PALD1: variants seen among roughly 807,000 people sequenced by gnomAD.
PALD1 encodes paladin.
PALD1 carries 57 observed loss-of-function variants against 96.0 expected under a neutral mutation model. That is an observed-to-expected ratio of 0.59 (90% CI 0.48 to 0.74). The LOEUF (loss-of-function observed/expected upper bound fraction) is 0.74, where lower values mean the gene tolerates loss of function less well. Ranked by LOEUF, PALD1 falls within the 30% of genes least tolerant of loss-of-function variation. The probability of loss-of-function intolerance (pLI) is 0.00; values close to 1 mark genes in which losing one functional copy is unlikely to be tolerated. For missense variants in PALD1, 1,063 were observed against 1,143.7 expected (o/e 0.93, Z 1.02); for synonymous variants, 464 against 473.6 (o/e 0.98, Z 0.26).
the PALD1 span, among the ~76,000 whole-genome samples, chr10:70,468,726 G>A: frequency 6.6e-5 from 10 of 151,210 alleles, no homozygotes; most frequent in South Asian, 1.0e-3. Context: ...GTGTGTGTGT[G>A]TGTGTGTGTG....
intron 18 of PALD1, among the ~76,000 whole-genome samples, chr10:70,558,611 C>T (rs909993463): frequency 6.6e-6 from 1 of 151,926 alleles, no homozygotes; most frequent in African/African-American, 2.4e-5. Flanking sequence ...TTGGGAGAAG[C>T]GGAGCCTCTA....
chr10:70,469,472 C>T, the PALD1 span, among the ~76,000 whole-genome samples: 6 of 152,270 alleles, frequency 3.9e-5, no homozygotes, highest in African/African-American at 7.2e-5. Context: ...GGAGCTCCGG[C>T]GGCTGCTAGT....
Position 70,526,163 on chromosome 10 carries a change from G to A in PALD1, c.185+27G>A, listed in dbSNP as rs200342368. 11 of 1,596,940 alleles carry A rather than the reference G, an allele frequency of 6.9e-6. No individual in the cohort carries two copies. The South Asian group carries it at 1.1e-4, about 16-fold the overall frequency. ...TGAGTGGCAGGGGGAGTGTGCCCAT[G>A]TCCCTGGGAGACATGATGGGCGGGG... On this transcript the variant is annotated intron_variant, in intron 2 of 19. Coordinates refer to ENST00000263563, the MANE Select transcript of PALD1 (RefSeq NM_014431.3).
the PALD1 span, among the ~76,000 whole-genome samples, chr10:70,472,077 C>T: frequency 2.0e-5 from 3 of 152,184 alleles, no homozygotes; most frequent in Admixed American, 6.5e-5. Flanking sequence ...CAGTGTCAGC[C>T]TTGGAGCTCG....
chr10:70,504,543 C>T (rs1440690820), intron 1 of PALD1, among the ~76,000 whole-genome samples: 1 of 152,148 alleles, frequency 6.6e-6, no homozygotes, highest in African/African-American at 2.4e-5. Context: ...CAAACAAAAA[C>T]ACGTATTTAT....
At chr10:70,526,933 C>G (rs1846881378) in intron 2 of PALD1, among the ~76,000 whole-genome samples, 1 of 152,146 alleles carries the variant, frequency 6.6e-6, no homozygotes, top group African/African-American at 2.4e-5. Context: ...GCAGATGGGT[C>G]CTTCTGTATA....
chr10:70,487,282 C>T (rs1032100523), intron 1 of PALD1, among the ~76,000 whole-genome samples: 31 of 140,366 alleles, frequency 2.2e-4, no homozygotes, highest in African/African-American at 7.4e-4. Flanking sequence ...TACAGGCGCC[C>T]GCCACCATGC....
chr10:70,567,058 T>G lies in PALD1; in HGVS notation c.*325T>G, dbSNP rs756239437. 1 of 276,212 alleles carries G rather than the reference T, an allele frequency of 3.6e-6. No homozygotes were observed. The highest frequency in any genetic ancestry group is 7.8e-5 in the East Asian group (1 of 12,752). 17.1% of individuals were successfully genotyped at this position (276,212 alleles called of 1,614,324 possible). On this transcript the variant is annotated 3_prime_UTR_variant, in exon 20 of 20. Coordinates refer to ENST00000263563, the MANE Select transcript of PALD1 (RefSeq NM_014431.3). Reference sequence around the variant, plus strand: ...GCCTCCAAGGGGCTCACTCCCCCAGTTGCCAAACACTGTGGATCTCTCTGT... The same window carrying G: ...GCCTCCAAGGGGCTCACTCCCCCAGGTGCCAAACACTGTGGATCTCTCTGT...
At chr10:70,512,526 G>T (rs956688926) in intron 1 of PALD1, among the ~76,000 whole-genome samples, 2 of 152,332 alleles carry the variant, frequency 1.3e-5, no homozygotes, top group Middle Eastern at 6.8e-3. Flanking sequence ...GGGAGGCAGC[G>T]ACCTCTTCTT....
chr10:70,547,457 AC>A lies in PALD1; in HGVS notation c.2262+15del. On this transcript the variant is annotated intron_variant, in intron 18 of 19. Coordinates refer to ENST00000263563, the MANE Select transcript of PALD1 (RefSeq NM_014431.3). ...TGCACCTACCGCCAGGTGAGCCCCC[AC>A]CCCACCCCACCCCACCCTGCCCCAG... The A allele has an allele frequency of 2.0e-6, 2 of 1,016,498 alleles. No individual in the cohort carries two copies. The highest frequency in any genetic ancestry group is 2.7e-6 in the Non-Finnish European group (2 of 730,206). 63.0% of individuals were successfully genotyped at this position (1,016,498 alleles called of 1,614,324 possible). A position where few individuals can be genotyped will look rare whatever the true frequency, so the allele number is the denominator to read the frequency against.
chr10:70,558,011 G>A (rs755967457), intron 18 of PALD1, among the ~76,000 whole-genome samples: 7 of 144,612 alleles, frequency 4.8e-5, no homozygotes, highest in Non-Finnish European at 7.5e-5. Context: ...ATGGTTCACT[G>A]ACTGTAACCT....
chr10:70,550,811 A>G (rs957272115), intron 18 of PALD1, among the ~76,000 whole-genome samples: 1 of 152,148 alleles, frequency 6.6e-6, no homozygotes, highest in African/African-American at 2.4e-5. Flanking sequence ...CTGCATTTGT[A>G]TGGCTGAATA....
intron 19 of PALD1, among the ~76,000 whole-genome samples, chr10:70,565,106 G>A (rs879266791): frequency 1.1e-4 from 17 of 152,228 alleles, no homozygotes; most frequent in African/African-American, 4.1e-4. Context: ...ATCTGCTGGA[G>A]CCTGTACTAG....
At position 70,553,359 on chromosome 10, in the gene PALD1, T is replaced by TTTA. The variant is rs1222022030; in HGVS notation, c.2262+5913_2262+5914insTTA. 3.3e-5 allele frequency among the ~76,000 whole-genome samples: 5 copies of TTTA among 152,162 alleles called. No individual in the cohort carries two copies. The East Asian group carries it at 9.6e-4, about 29-fold the overall frequency. On this transcript the variant is annotated intron_variant, in intron 18 of 19. Coordinates refer to ENST00000263563, the MANE Select transcript of PALD1 (RefSeq NM_014431.3). Reference sequence around the variant, plus strand: ...AGATGTTGGCTTCAGCAAGGCCTAATGTTCCTCCAGATTTGGATGTGGCTG... The same window carrying TTTA: ...AGATGTTGGCTTCAGCAAGGCCTAATTTAGTTCCTCCAGATTTGGATGTGGCTG...
intron 1 of PALD1, among the ~76,000 whole-genome samples, chr10:70,484,367 A>G (rs374385954): frequency 2.1e-4 from 32 of 152,346 alleles, no homozygotes; most frequent in African/African-American, 7.2e-4. Context: ...AATCACGTCT[A>G]ATATTTGATA....
rs376346914 is a variant in PALD1 at position 70,532,674 on chromosome 10, C to T, written c.687C>T (p.Thr229=). ...ACACATACCATGTGTACCATAACACCGAGGACCTGTGGGGGGAGCCCCATG... is the reference window on the plus strand; with the variant it reads ...ACACATACCATGTGTACCATAACACTGAGGACCTGTGGGGGGAGCCCCATG... ...SENTYHVYHN[T]EDLWGEPHAV... is the part of the protein sequence containing the mutation. Residue 229 remains threonine, a synonymous_variant, in exon 6 of 20, where the codon ACC becomes ACT. Coordinates refer to ENST00000263563, the MANE Select transcript of PALD1 (RefSeq NM_014431.3). The T allele has an allele frequency of 2.0e-5, 32 of 1,614,180 alleles. No individual in the cohort carries two copies. The African/African-American group carries it at 2.0e-4, about 10-fold the overall frequency.
chr10:70,525,293 T>C (rs1846833116), intron 1 of PALD1, among the ~76,000 whole-genome samples: 1 of 152,138 alleles, frequency 6.6e-6, no homozygotes, highest in Non-Finnish European at 1.5e-5. Flanking sequence ...ATTATAGGCA[T>C]GAGCCACTGC....
chr10:70,464,941 G>GTATA, the PALD1 span, among the ~76,000 whole-genome samples: 4 of 104,426 alleles, frequency 3.8e-5, no homozygotes, highest in Non-Finnish European at 7.2e-5. Flanking sequence ...ATGTACACTT[G>GTATA]TATGTATGTA....
At chr10:70,515,738 G>A (rs898151784) in intron 1 of PALD1, among the ~76,000 whole-genome samples, 29 of 152,130 alleles carry the variant, frequency 1.9e-4, no homozygotes, top group Non-Finnish European at 5.9e-5. Flanking sequence ...GTGGTCCTCA[G>A]TTTACAGTTG....
Sources: allele counts gnomAD v4.1 joint callset (sites outside exome capture counted in the v4.1 genomes callset), GRCh38; gene constraint gnomAD v4.1.1; transcripts MANE v1.5; gene names NCBI Gene and HGNC (gene_info 2026-07-23, HGNC 2026-07-21).